The following SLC13A5 variants were observed in gnomAD, a reference collection of about 807,000 sequenced individuals.
SLC13A5 encodes solute carrier family 13 member 5, also known as Na(+)/citrate cotransporter.
A neutral mutation model predicts 56.5 loss-of-function variants in SLC13A5; 25 were observed. The observed-to-expected ratio is 0.44, with a 90% CI of 0.32 to 0.62. SLC13A5 has a LOEUF of 0.62. Among genes scored for constraint, SLC13A5 ranks in the 20% least tolerant of loss-of-function variants. SLC13A5 has a pLI of 0.04. For missense variants in SLC13A5, 649 were observed against 737.8 expected (o/e 0.88, Z 1.39); for synonymous variants, 307 against 301.5 (o/e 1.02, Z -0.19).
intron 8 of SLC13A5, chr17:6,693,387 T>C (rs368527153): frequency 2.4e-6 from 1 of 422,488 alleles, no homozygotes. Context: ...ACACTGCCAA[T>C]AGCATCGTAA....
intron 10 of SLC13A5, among the ~76,000 whole-genome samples, chr17:6,690,428 C>CA (rs1221423030): frequency 6.6e-6 from 1 of 152,238 alleles, no homozygotes; most frequent in Non-Finnish European, 1.5e-5. Flanking sequence ...AGTCCTCCTG[C>CA]ACACCTGTGC....
rs755751249 is a variant in SLC13A5 at position 6,693,140 on chromosome 17, G to A, written c.1179C>T (p.Pro393=). The change falls in exon 9 of 12, where the codon CCC becomes CCT. Residue 393 remains proline (P), a synonymous_variant. Coordinates refer to ENST00000433363, the MANE Select transcript of SLC13A5 (RefSeq NM_177550.5). The part of the protein sequence containing the change: ...TEEERKTPFY[P]PPLLDWKVTQ... ...TTACCTTCCAATCCAGCAGGGGAGG[G>A]GGATAAAATGGAGTTTTCCTTTCTG... is the stretch of plus-strand genomic sequence containing the variant. The A allele has an allele frequency of 8.7e-6, 14 of 1,609,088 alleles. No individual in the cohort carries two copies. The highest frequency in any genetic ancestry group is 7.7e-5 in the South Asian group (7 of 90,864).
rs1356369084 is a variant in SLC13A5, at chr17:6,701,443, G to T, written c.717-317C>A. ...ATACAACTTTGTGGCCGGGCGCAGG[G>T]GCTCACGCCTGTAATTCCAGGACTC... On this transcript the variant is annotated intron_variant, in intron 5 of 11. Transcript: ENST00000433363. This position sits in a 1 kb window ranked among gnomAD's most constrained non-coding sequence, Gnocchi z 4.1. Among the ~76,000 whole-genome samples the T allele has an allele frequency of 2.0e-5, 3 of 152,224 alleles. No homozygotes were observed. The highest frequency in any genetic ancestry group is 2.9e-5 in the Non-Finnish European group (2 of 68,036).
In SLC13A5 at chr17:6,699,495, G is replaced by C. The variant is rs539449844; in HGVS notation, c.839+1509C>G. 5.9e-5 allele frequency among the ~76,000 whole-genome samples: 9 copies of C among 152,184 alleles called. No individual in the cohort carries two copies. In the South Asian group the frequency reaches 1.9e-3, roughly 32 times the overall value. Reference sequence around the variant, plus strand: ...CAACTTTTTTTTTTGTTTTGAGACAGAGTCTTGCTCTGTCGCCCAGGCTGG... The same window carrying C: ...CAACTTTTTTTTTTGTTTTGAGACACAGTCTTGCTCTGTCGCCCAGGCTGG... On this transcript the variant is annotated intron_variant, in intron 6 of 11. Transcript: ENST00000433363.
In SLC13A5 at chr17:6,702,964, A is replaced by G; in HGVS notation, c.716+6T>C. 1 of 1,613,610 alleles carries G rather than the reference A, an allele frequency of 6.2e-7. No individual in the cohort carries two copies. Among genetic ancestry groups the G allele is most frequent in the East Asian group, 2.2e-5 (1 of 44,864 alleles). On this transcript the variant is annotated splice_donor_region_variant and intron_variant, in intron 5 of 11. Coordinates refer to ENST00000433363, the MANE Select transcript of SLC13A5 (RefSeq NM_177550.5). ...TTGTCCCCAGAAGGTGCGACCAAGG[A>G]CTCACTCGTTCATCTGGCCCAGGAG...
Position 6,687,972 on chromosome 17 carries a change from G to A in SLC13A5, c.1438-306C>T, listed in dbSNP as rs376432614. On this transcript the variant is annotated intron_variant, in intron 10 of 11. Coordinates refer to ENST00000433363, the MANE Select transcript of SLC13A5 (RefSeq NM_177550.5). The surrounding 1 kb of genome is among the most constrained non-coding windows in gnomAD (Gnocchi z 5.0). ...AGACTGTGCTCAACCTTACAGTGCC[G>A]CGTGCACATGTCTGTCTGTCTTGCC... is the stretch of plus-strand genomic sequence containing the variant. 6 of 218,938 alleles carry A rather than the reference G, an allele frequency of 2.7e-5. No individual in the cohort carries two copies. The highest frequency in any genetic ancestry group is 5.3e-5 in the Non-Finnish European group (6 of 112,424). 13.6% of individuals were successfully genotyped at this position (218,938 alleles called of 1,614,324 possible).
rs759371567 is a variant in SLC13A5 at position 6,703,961 on chromosome 17, A to G, written c.464T>C (p.Ile155Thr). Reference protein sequence around the residue: ...TAMMVPIVEAILQQMEATSAA... With the variant: ...TAMMVPIVEATLQQMEATSAA... ...GCTTGTGGCTTCCATCTGCTGCAATATGGCCTCCACGATGGGCACCATCAT... is the reference window on the plus strand; with the variant it reads ...GCTTGTGGCTTCCATCTGCTGCAATGTGGCCTCCACGATGGGCACCATCAT... The change falls in exon 4 of 12, where the codon ATA (isoleucine) becomes ACA (threonine). Residue 155 changes from isoleucine to threonine, a missense_variant. By Grantham distance (89) the Ile-to-Thr change is moderately conservative. Coordinates refer to ENST00000433363, the MANE Select transcript of SLC13A5 (RefSeq NM_177550.5). 6.2e-7 allele frequency: 1 copy of G among 1,611,882 alleles called. No homozygotes were observed. The highest frequency in any genetic ancestry group is 8.5e-7 in the Non-Finnish European group (1 of 1,178,758).
chr17:6,706,315 C>T (rs534086973), intron 3 of SLC13A5, among the ~76,000 whole-genome samples: 81 of 152,278 alleles, frequency 5.3e-4, no homozygotes, highest in Non-Finnish European at 8.4e-4. Flanking sequence ...TCAGACACAG[C>T]TTGATCCAGC....
chr17:6,709,584 A>G (rs1026551556), intron 1 of SLC13A5, among the ~76,000 whole-genome samples: 7 of 152,130 alleles, frequency 4.6e-5, no homozygotes, highest in Non-Finnish European at 8.8e-5. Context: ...GCAAATGTTT[A>G]TTAAAGGAAT....
At chr17:6,693,768 G>A (rs1411044126) in intron 8 of SLC13A5, among the ~76,000 whole-genome samples, 1 of 152,150 alleles carries the variant, frequency 6.6e-6, no homozygotes, top group Non-Finnish European at 1.5e-5. Context: ...TAATATACAG[G>A]CATATTAGCA....
rs772387151 is a variant in SLC13A5, at chr17:6,703,067, C to T, written c.619G>A (p.Ala207Thr). 6.2e-7 allele frequency: 1 copy of T among 1,614,188 alleles called. No individual in the cohort carries two copies. Among genetic ancestry groups the T allele is most frequent in the Non-Finnish European group, 8.5e-7 (1 of 1,180,038 alleles). ...EDQERKRLCK[A>T]MTLCICYAAS... ...GCGTAGCAGATGCACAGGGTCATGGCCTTACACAACCTCTTCCGCTCTTGG... is the reference window on the plus strand; with the variant it reads ...GCGTAGCAGATGCACAGGGTCATGGTCTTACACAACCTCTTCCGCTCTTGG... Residue 207 changes from alanine to threonine, a missense_variant, in exon 5 of 12, where the codon GCC becomes ACC. Ala to Thr is a moderately conservative substitution (Grantham distance 58). Transcript: ENST00000433363.
Position 6,701,847 on chromosome 17 carries a change from T to G in SLC13A5, c.717-721A>C, listed in dbSNP as rs1184534461. 2.0e-5 allele frequency among the ~76,000 whole-genome samples: 3 copies of G among 152,132 alleles called. No homozygotes were observed. Among genetic ancestry groups the G allele is most frequent in the Admixed American group, 2.0e-4 (3 of 15,278 alleles). ...CGGTCCCCCCACTTAGCAAAGGAAA[T>G]CTCAAAAGCTTCCCAGAGCGGAGGC... On this transcript the variant is annotated intron_variant, in intron 5 of 11. Coordinates refer to ENST00000433363, the MANE Select transcript of SLC13A5 (RefSeq NM_177550.5). This position sits in a 1 kb window ranked among gnomAD's most constrained non-coding sequence, Gnocchi z 4.1.
chr17:6,710,973 TA>T (rs1332279432), intron 1 of SLC13A5, among the ~76,000 whole-genome samples: 1 of 151,922 alleles, frequency 6.6e-6, no homozygotes, highest in Non-Finnish European at 1.5e-5. Context: ...TTTTTTCAAT[TA>T]AAAAAAGACC....
chr17:6,696,869 G>A (rs1379958713), intron 6 of SLC13A5, among the ~76,000 whole-genome samples: 1 of 152,164 alleles, frequency 6.6e-6, no homozygotes, highest in Non-Finnish European at 1.5e-5. Flanking sequence ...GATGGAATAG[G>A]AGCTCATTCC....
At position 6,711,649 on chromosome 17, in the gene SLC13A5, G is replaced by A. The variant is rs1974037805; in HGVS notation, c.102+1583C>T. Among the ~76,000 whole-genome samples the A allele has an allele frequency of 6.6e-6, 1 of 151,084 alleles. No individual in the cohort carries two copies. The highest frequency in any genetic ancestry group is 2.4e-5 in the African/African-American group (1 of 41,052). Reference sequence around the variant, plus strand: ...TTGTGTTTGTGCGTGTGTTTTGTGTGTGTCTGTGTGTTTGTGTGTGTGTCT... The same window carrying A: ...TTGTGTTTGTGCGTGTGTTTTGTGTATGTCTGTGTGTTTGTGTGTGTGTCT... On this transcript the variant is annotated intron_variant, in intron 1 of 11. Coordinates refer to ENST00000433363, the MANE Select transcript of SLC13A5 (RefSeq NM_177550.5). This position sits in a 1 kb window ranked among gnomAD's most constrained non-coding sequence, Gnocchi z 4.0.
chr17:6,711,858 C>T lies in SLC13A5; in HGVS notation c.102+1374G>A, dbSNP rs1319729776. Among the ~76,000 whole-genome samples, 1 of 152,068 alleles carries T rather than the reference C, an allele frequency of 6.6e-6. No homozygotes were observed. Among genetic ancestry groups the T allele is most frequent in the Non-Finnish European group, 1.5e-5 (1 of 68,014 alleles). ...GCTACTTCCCCTGGACAATAACAAC[C>T]CCAGACTTCTTGCTACAGAGGAAGT... On this transcript the variant is annotated intron_variant, in intron 1 of 11. Transcript: ENST00000433363. The surrounding 1 kb of genome is among the most constrained non-coding windows in gnomAD (Gnocchi z 4.0).
intron 10 of SLC13A5, chr17:6,688,607 A>T (rs1322148108): frequency 6.6e-6 from 1 of 152,250 alleles, no homozygotes; most frequent in Non-Finnish European, 1.5e-5. Context: ...CGTCTCTACT[A>T]AAAATACAAA....
chr17:6,707,251 A>T (rs1210007452), intron 1 of SLC13A5, 95 bp from the exon 2 acceptor site: 4 of 1,490,752 alleles, frequency 2.7e-6, no homozygotes, highest in Non-Finnish European at 3.6e-6. Context: ...TTGTCAAGAC[A>T]CAGTGCTGAT....
intron 5 of SLC13A5, among the ~76,000 whole-genome samples, 165 bp downstream of exon 5, chr17:6,702,805 G>A (rs1973747973): frequency 6.6e-6 from 1 of 152,160 alleles, no homozygotes; most frequent in Non-Finnish European, 1.5e-5. Flanking sequence ...CCAGGACACA[G>A]AGGCTAGATG....
Sources: gnomAD v4.1 joint callset for allele counts (sites outside exome capture counted in the v4.1 genomes callset) on GRCh38, gnomAD v4.1.1 for gene constraint, Gnocchi (gnomAD v3.1) non-coding constraint, MANE v1.5 for transcripts, NCBI Gene and HGNC (gene_info 2026-07-23, HGNC 2026-07-21) for gene names.